NCAM1: variants seen among roughly 807,000 people sequenced by gnomAD.
NCAM1 encodes neural cell adhesion molecule 1.
In NCAM1, 14 loss-of-function variants were observed where a neutral mutation model predicts 109.8. That is an observed-to-expected ratio of 0.13 (90% CI 0.08 to 0.20). The LOEUF is 0.20. Among genes scored for constraint, NCAM1 ranks in the 10% least tolerant of loss-of-function variants. The pLI is 1.00. For missense variants in NCAM1, 774 were observed against 1,109.9 expected (o/e 0.70, Z 4.30); for synonymous variants, 418 against 442.9 (o/e 0.94, Z 0.70).
At chr11:113,177,574 C>A (rs1419015758) in intron 1 of NCAM1, among the ~76,000 whole-genome samples, 6 of 152,146 alleles carry the variant, frequency 3.9e-5, no homozygotes, top group Non-Finnish European at 5.9e-5. Context: ...GCTGGGACTA[C>A]AGGCGTGTAC....
At chr11:113,091,750 T>G (rs1232610529) in intron 1 of NCAM1, among the ~76,000 whole-genome samples, 1 of 152,206 alleles carries the variant, frequency 6.6e-6, no homozygotes, top group African/African-American at 2.4e-5. Flanking sequence ...TAGCCCCACT[T>G]CATGGATAGC....
At chr11:113,064,840 A>C (rs1555083951) in intron 1 of NCAM1, among the ~76,000 whole-genome samples, 1 of 152,220 alleles carries the variant, frequency 6.6e-6, no homozygotes, top group Non-Finnish European at 1.5e-5. Context: ...GAATCAACAA[A>C]ATATAACGTT....
At chr11:113,228,743 C>G (rs1231576039) in intron 9 of NCAM1, among the ~76,000 whole-genome samples, 2 of 152,132 alleles carry the variant, frequency 1.3e-5, no homozygotes, top group Admixed American at 6.5e-5. Context: ...AGATACAGAC[C>G]AATGGAACAG....
In NCAM1 at chr11:113,043,125, G is replaced by A. The variant is rs1953136408; in HGVS notation, c.52+81461G>A. On this transcript the variant is annotated intron_variant, in intron 1 of 19. Coordinates refer to ENST00000316851, the MANE Select transcript of NCAM1 (RefSeq NM_181351.5). ...TTCCTCCCCAGGGTGGTAAATGGGG[G>A]CCATAGGAGATGAGGCTGGCGAGGG... is the stretch of plus-strand genomic sequence containing the variant. Among the ~76,000 whole-genome samples, 2 of 152,008 alleles carry A rather than the reference G, an allele frequency of 1.3e-5. 1 individual carries two copies. The highest frequency in any genetic ancestry group is 4.2e-4 in the South Asian group (2 of 4,802).
intron 1 of NCAM1, among the ~76,000 whole-genome samples, chr11:112,988,037 T>A (rs1373490859): frequency 6.6e-6 from 1 of 152,174 alleles, no homozygotes; most frequent in African/African-American, 2.4e-5. Context: ...TTTCTCTTTA[T>A]CTTTTGCATA....
chr11:113,006,231 A>G (rs1431749128), intron 1 of NCAM1, among the ~76,000 whole-genome samples: 1 of 152,196 alleles, frequency 6.6e-6, no homozygotes, highest in East Asian at 1.9e-4. Flanking sequence ...GCATCTGCAC[A>G]TAATTAAACT....
intron 15 of NCAM1, among the ~76,000 whole-genome samples, chr11:113,249,956 A>G (rs622699): frequency 0.16 from 23,641 of 151,966 alleles, 2,958 homozygotes; most frequent in African/African-American, 0.35. Context: ...GGCTGCGGGG[A>G]GCTCAGCATC....
intron 19 of NCAM1, among the ~76,000 whole-genome samples, chr11:113,272,720 C>T (rs371791836): frequency 7.9e-5 from 12 of 152,206 alleles, no homozygotes; most frequent in East Asian, 5.8e-4. Context: ...GAGACCGCCA[C>T]GTTCTCTGTC....
intron 1 of NCAM1, among the ~76,000 whole-genome samples, chr11:113,182,200 C>A (rs1555108090): frequency 6.6e-5 from 10 of 152,122 alleles, no homozygotes. Context: ...AAGTAAAAGC[C>A]TTGATAGAAG....
intron 1 of NCAM1, among the ~76,000 whole-genome samples, chr11:113,121,473 G>A (rs532859549): frequency 1.3e-4 from 17 of 129,872 alleles, no homozygotes; most frequent in Admixed American, 2.8e-4. Flanking sequence ...CCCCTGCCTC[G>A]TCCTCCCAAA....
rs79411105 is a variant in NCAM1, at chr11:113,260,664, C to A, written c.2131+341C>A. On this transcript the variant is annotated intron_variant, in intron 17 of 19. Coordinates refer to ENST00000316851, the MANE Select transcript of NCAM1 (RefSeq NM_181351.5). The stretch of plus-strand genomic sequence containing the variant: ...GTTGAGTAAGGATCCTTTTTTGAGA[C>A]CTTATCTGCCATCTGCCACATCATA... Among the ~76,000 whole-genome samples, 790 of 152,234 alleles carry A rather than the reference C, an allele frequency of 5.2e-3. 8 individuals are homozygous for A. The highest frequency in any genetic ancestry group is 0.018 in the African/African-American group (752 of 41,540).
At chr11:113,258,202 T>C (rs1463210050) in intron 16 of NCAM1, among the ~76,000 whole-genome samples, 5 of 152,244 alleles carry the variant, frequency 3.3e-5, no homozygotes, top group African/African-American at 9.6e-5. Flanking sequence ...CCAGGGCACC[T>C]GCCTTGTGAA....
At chr11:113,060,965 A>G (rs1953893597) in intron 1 of NCAM1, among the ~76,000 whole-genome samples, 1 of 152,210 alleles carries the variant, frequency 6.6e-6, no homozygotes, top group South Asian at 2.1e-4. Flanking sequence ...GTTTAAGTAT[A>G]TAATACCATT....
chr11:113,160,631 G>A (rs782590265), intron 1 of NCAM1, among the ~76,000 whole-genome samples: 21 of 152,120 alleles, frequency 1.4e-4, no homozygotes, highest in Non-Finnish European at 2.4e-4. Context: ...CTTGGCATTC[G>A]GCACTTTTGC....
At chr11:113,235,210 C>T in intron 14 of NCAM1, 46 bp downstream of exon 14, 2 of 1,613,450 alleles carry the variant, frequency 1.2e-6, no homozygotes, top group East Asian at 2.2e-5. Flanking sequence ...ACCTTCTTCT[C>T]CCTGGGGGCA....
intron 1 of NCAM1, among the ~76,000 whole-genome samples, chr11:113,185,091 G>T (rs200124628): frequency 0.14 from 14,026 of 100,548 alleles, 967 homozygotes; most frequent in South Asian, 0.16. Context: ...GAGAGAGAGA[G>T]AGAGAGAGAG....
At chr11:113,259,665 G>C (rs1023693104) in intron 16 of NCAM1, among the ~76,000 whole-genome samples, 12 of 151,578 alleles carry the variant, frequency 7.9e-5, no homozygotes, top group African/African-American at 2.9e-4. Flanking sequence ...CAATTTTTCA[G>C]GCTGGTAAAG....
At chr11:113,199,162 G>A (rs1293701232) in intron 1 of NCAM1, among the ~76,000 whole-genome samples, 1 of 152,150 alleles carries the variant, frequency 6.6e-6, no homozygotes, top group Non-Finnish European at 1.5e-5. Flanking sequence ...AGCAAGAGAT[G>A]GGATACTTCG....
chr11:113,263,902 C>A (rs570323267), intron 17 of NCAM1: 1 of 985,492 alleles, frequency 1.0e-6, no homozygotes, highest in African/African-American at 1.7e-5. Context: ...TAAATTGGGG[C>A]CGAGCCAACC....
Sources: gnomAD v4.1 joint callset for allele counts (sites outside exome capture counted in the v4.1 genomes callset) on GRCh38, gnomAD v4.1.1 for gene constraint, MANE v1.5 for transcripts, NCBI Gene and HGNC (gene_info 2026-07-23, HGNC 2026-07-21) for gene names.